The following MIB1 variants were observed in gnomAD, a reference collection of about 807,000 sequenced individuals.
MIB1 encodes the protein MIB E3 ubiquitin protein ligase 1.
Under a neutral mutation model 124.5 loss-of-function variants are expected in MIB1, and 278 were observed. That is an observed-to-expected ratio of 2.23 (90% CI 2.02 to 2.47). MIB1 has a LOEUF of 2.47. Ranked by LOEUF, MIB1 falls within the 30% of genes most tolerant of loss-of-function variation. The pLI, the probability that MIB1 is intolerant of heterozygous loss-of-function variation, is 0.00. For synonymous variants in MIB1, 446 were observed against 429.4 expected, an observed-to-expected ratio of 1.04 and a Z score of -0.48; for missense variants, 957 against 1,254.4, an observed-to-expected ratio of 0.76 and a Z score of 3.58.
rs143010472 is a variant in MIB1, at chr18:21,763,721, A to G, written c.230-2051A>G. On this transcript the variant is annotated intron_variant, in intron 1 of 20. Coordinates refer to ENST00000261537, the MANE Select transcript of MIB1 (RefSeq NM_020774.4). ...TTAGACTTTCTCATTTATATCCTCT[A>G]CATCTTTTGTCTCCTGACCCATAGC... is the stretch of plus-strand genomic sequence containing the variant. Among the ~76,000 whole-genome samples, 584 of 152,026 alleles carry G rather than the reference A, an allele frequency of 3.8e-3. 28 individuals carry two copies. Among genetic ancestry groups the G allele is most frequent in the Admixed American group, 0.035 (532 of 15,252 alleles).
intron 1 of MIB1, among the ~76,000 whole-genome samples, chr18:21,743,032 T>C (rs1326649761): frequency 6.6e-6 from 1 of 152,240 alleles, no homozygotes; most frequent in East Asian, 1.9e-4. Context: ...CCCTCCTGTC[T>C]CAGCCTCCCA....
chr18:21,818,309 C>G (rs2041848984), intron 11 of MIB1, among the ~76,000 whole-genome samples: 1 of 152,028 alleles, frequency 6.6e-6, no homozygotes, highest in Non-Finnish European at 1.5e-5. Context: ...ATCTCCCCAG[C>G]AGGTTCTAAT....
intron 6 of MIB1, among the ~76,000 whole-genome samples, chr18:21,781,455 G>A (rs181586282): frequency 7.2e-6 from 1 of 139,346 alleles, no homozygotes; most frequent in African/African-American, 2.6e-5. Context: ...GTCTCCCTCT[G>A]TCACCCAGGC....
At chr18:21,844,020 A>G in intron 14 of MIB1, 72 bp from the exon 15 acceptor site, 1 of 1,472,710 alleles carries the variant, frequency 6.8e-7, no homozygotes, top group Non-Finnish European at 9.4e-7. Flanking sequence ...TGTTCTCACC[A>G]TTACTTTAGA....
chr18:21,844,575 G>A (rs193085176), intron 15 of MIB1, among the ~76,000 whole-genome samples: 16 of 152,052 alleles, frequency 1.1e-4, no homozygotes, highest in African/African-American at 3.6e-4. Context: ...GATTATAGGC[G>A]CCTGCACCAC....
chr18:21,799,341 T>C (rs1029997085), intron 8 of MIB1, among the ~76,000 whole-genome samples: 1 of 152,026 alleles, frequency 6.6e-6, no homozygotes, highest in African/African-American at 2.4e-5. Flanking sequence ...AGCACTTAGA[T>C]GTCCAGTTTC....
intron 13 of MIB1, among the ~76,000 whole-genome samples, chr18:21,842,543 A>G (rs923723078): frequency 1.3e-5 from 2 of 152,142 alleles, no homozygotes; most frequent in African/African-American, 4.8e-5. Context: ...TTTCTTCATT[A>G]GGGTTCAGCT....
At chr18:21,786,760 T>A (rs923411387) in intron 6 of MIB1, among the ~76,000 whole-genome samples, 3 of 152,266 alleles carry the variant, frequency 2.0e-5, no homozygotes, top group Non-Finnish European at 4.4e-5. Context: ...ACAGATACAT[T>A]TCTCAGTTCT....
chr18:21,847,315 T>G (rs1467383008), intron 16 of MIB1, among the ~76,000 whole-genome samples, 190 bp downstream of exon 16: 1 of 152,214 alleles, frequency 6.6e-6, no homozygotes, highest in Non-Finnish European at 1.5e-5. Flanking sequence ...TCTTATTTTA[T>G]GCCATATTCC....
At chr18:21,731,009 T>A (rs1411750966) in intron 1 of MIB1, among the ~76,000 whole-genome samples, 1 of 152,222 alleles carries the variant, frequency 6.6e-6, no homozygotes, top group Non-Finnish European at 1.5e-5. Context: ...GGAGTTCTCT[T>A]TTTTACTTTC....
intron 1 of MIB1, among the ~76,000 whole-genome samples, chr18:21,705,509 G>A (rs2146348129): frequency 6.6e-6 from 1 of 151,866 alleles, no homozygotes; most frequent in East Asian, 1.9e-4. Flanking sequence ...GCTTATTTAT[G>A]GCAATATGAT....
At position 21,785,210 on chromosome 18, in the gene MIB1, C is replaced by T. The variant is rs1234428226; in HGVS notation, c.908+5525C>T. On this transcript the variant is annotated intron_variant, in intron 6 of 20. Coordinates refer to ENST00000261537, the MANE Select transcript of MIB1 (RefSeq NM_020774.4). ...TACCTATCATTGGAGACGACTCACA[C>T]TCCTTACCCTGCCCCCTTGCCTTGT... Among the ~76,000 whole-genome samples, 3 of 152,074 alleles carry T rather than the reference C, an allele frequency of 2.0e-5. 1 individual carries two copies. Among genetic ancestry groups the T allele is most frequent in the South Asian group, 4.1e-4 (2 of 4,822 alleles).
intron 1 of MIB1, among the ~76,000 whole-genome samples, chr18:21,721,891 A>G (rs1190828430): frequency 1.3e-5 from 2 of 152,194 alleles, no homozygotes; most frequent in Admixed American, 1.3e-4. Flanking sequence ...CAAAACTAGT[A>G]AACTAACACT....
intron 7 of MIB1, among the ~76,000 whole-genome samples, chr18:21,792,359 C>G (rs143220176): frequency 3.3e-5 from 5 of 152,144 alleles, no homozygotes; most frequent in Admixed American, 6.5e-5. Context: ...CCTATTACCC[C>G]CACTCTACTG....
intron 1 of MIB1, among the ~76,000 whole-genome samples, chr18:21,726,780 T>C: frequency 6.6e-6 from 1 of 151,936 alleles, no homozygotes; most frequent in East Asian, 1.9e-4. Context: ...ATCCCTTCAC[T>C]CCCCCCGTAA....
chr18:21,811,698 T>TG (rs768448979), intron 10 of MIB1, among the ~76,000 whole-genome samples: 2 of 151,786 alleles, frequency 1.3e-5, no homozygotes, highest in Non-Finnish European at 2.9e-5. Context: ...TTTCCAGAGA[T>TG]GGGGGGGTAG....
chr18:21,725,391 T>G (rs2040737129), intron 1 of MIB1, among the ~76,000 whole-genome samples: 1 of 152,120 alleles, frequency 6.6e-6, no homozygotes, highest in Admixed American at 6.5e-5. Context: ...GTTGAATTAT[T>G]TGAAGGCTTA....
At chr18:21,785,429 T>TG (rs2041423834) in intron 6 of MIB1, among the ~76,000 whole-genome samples, 1 of 152,196 alleles carries the variant, frequency 6.6e-6, no homozygotes, top group African/African-American at 2.4e-5. Flanking sequence ...ATATTATAGA[T>TG]ATAACAAGTT....
intron 1 of MIB1, among the ~76,000 whole-genome samples, chr18:21,751,756 T>G (rs1248829014): frequency 6.6e-6 from 1 of 152,140 alleles, no homozygotes; most frequent in Non-Finnish European, 1.5e-5. Flanking sequence ...GCCTGAAAAT[T>G]GCTTTATTTT....
Sources: allele counts gnomAD v4.1 joint callset (sites outside exome capture counted in the v4.1 genomes callset), GRCh38; gene constraint gnomAD v4.1.1; transcripts MANE v1.5; gene names NCBI Gene and HGNC (gene_info 2026-07-23, HGNC 2026-07-21).